DENND3: variants seen among roughly 807,000 people sequenced by gnomAD.
The protein encoded by DENND3 is DENN domain containing 3.
A neutral mutation model predicts 135.1 loss-of-function variants in DENND3; 88 were observed. The ratio of observed to expected loss-of-function variants is 0.65; its 90% CI spans 0.55 to 0.78. The LOEUF is 0.78. DENND3 is among the 30% of genes least tolerant of loss of function. DENND3 has a pLI of 0.00. For missense variants in DENND3, 1,392 were observed against 1,688.4 expected, an observed-to-expected ratio of 0.82 and a Z score of 3.08; for synonymous variants, 693 against 712.3, an observed-to-expected ratio of 0.97 and a Z score of 0.43.
rs57293146 is a variant in DENND3, at chr8:141,146,662, G to A, written c.735+2403G>A. ...ACATGATTGTGAACTTAAAATGTGC[G>A]TTTTTAACATTACCCCAACCCCAGC... On this transcript the variant is annotated intron_variant, in intron 5 of 22. Transcript: ENST00000519811. The surrounding 1 kb of genome is among the most constrained non-coding windows in gnomAD (Gnocchi z 4.3). 4.4e-3 allele frequency among the ~76,000 whole-genome samples: 670 copies of A among 152,182 alleles called. 6 individuals are homozygous for A. Among genetic ancestry groups the A allele is most frequent in the African/African-American group, 0.015 (621 of 41,522 alleles).
At position 141,175,451 on chromosome 8, in the gene DENND3, AAT is replaced by A; in HGVS notation, c.2531_2532del (p.Ile844ArgfsTer38). ...PGYLEISTFR[N>X]IEEVRRTTTT... ...CTACTTGGAGATTTCCACCTTCAGA[AAT>A]ATAGAGGTAAGGACAGCACAGGCAG... On this transcript the variant is annotated frameshift_variant, in exon 14 of 23. Transcript: ENST00000519811. LOFTEE classifies it high-confidence loss of function. This position sits in a 1 kb window ranked among gnomAD's most constrained non-coding sequence, Gnocchi z 5.4. 1.2e-6 allele frequency: 2 copies of A among 1,614,166 alleles called. No individual in the cohort carries two copies. The highest frequency in any genetic ancestry group is 1.7e-6 in the Non-Finnish European group (2 of 1,180,048).
intron 8 of DENND3, chr8:141,158,219 T>C (rs1339323907): frequency 7.8e-7 from 1 of 1,289,630 alleles, no homozygotes; most frequent in Non-Finnish European, 1.0e-6. Flanking sequence ...AGCTGTTCTG[T>C]TGGCAACTGT....
intron 8 of DENND3, 47 bp downstream of exon 8, chr8:141,156,017 G>C: frequency 6.5e-7 from 1 of 1,546,518 alleles, no homozygotes; most frequent in Non-Finnish European, 8.8e-7. Context: ...TCTTTGTTCA[G>C]ATTCTGTATT....
At chr8:141,184,855 G>T in intron 17 of DENND3, 2 of 306,168 alleles carry the variant, frequency 6.5e-6, no homozygotes, top group Admixed American at 4.5e-5. Flanking sequence ...TGCTCACTCA[G>T]CTGGCAGGTC....
chr8:141,188,140 C>T (rs147486168), intron 18 of DENND3, among the ~76,000 whole-genome samples: 3 of 150,530 alleles, frequency 2.0e-5, no homozygotes, highest in East Asian at 2.0e-4. Context: ...GCGGGAGAAT[C>T]GCTTGAGCCG....
chr8:141,144,073 G>A lies in DENND3; in HGVS notation c.624-75G>A. On this transcript the variant is annotated intron_variant, in intron 4 of 22. Coordinates refer to ENST00000519811, the MANE Select transcript of DENND3 (RefSeq NM_001352890.3). The surrounding 1 kb of genome is among the most constrained non-coding windows in gnomAD (Gnocchi z 4.4). ...GCAGACGCTGGGGAGATTCCAGTGT[G>A]ATTAGAAACGCTAACGATGACAACT... is the stretch of plus-strand genomic sequence containing the variant. 7.8e-7 allele frequency: 1 copy of A among 1,285,122 alleles called. No homozygotes were observed. Among genetic ancestry groups the A allele is most frequent in the African/African-American group, 1.5e-5 (1 of 64,536 alleles). 79.6% of individuals were successfully genotyped at this position (1,285,122 alleles called of 1,614,324 possible).
Position 141,190,339 on chromosome 8 carries a change from C to G in DENND3, c.3301C>G (p.Leu1101Val), listed in dbSNP as rs1353652008. 2.5e-6 allele frequency: 4 copies of G among 1,613,482 alleles called. No homozygotes were observed. In the South Asian group the frequency reaches 3.3e-5, roughly 13 times the overall value. The part of the protein sequence containing the change: ...GMVLVWNVST[L>V]QVTSRFQLPR... ...GGTGCTGGTGTGGAATGTGAGCACA[C>G]TGCAGGTGACCAGCCGCTTCCAGCT... The change falls in exon 20 of 23, where the codon CTG (leucine) becomes GTG (valine). Residue 1101 changes from leucine (L) to valine (V), a missense_variant. Coordinates refer to ENST00000519811, the MANE Select transcript of DENND3 (RefSeq NM_001352890.3).
chr8:141,185,299 G>T, intron 18 of DENND3, 21 bp downstream of exon 18: 1 of 1,613,570 alleles, frequency 6.2e-7, no homozygotes, highest in South Asian at 1.1e-5. Context: ...GAAGCGTCAG[G>T]AAAGAAGCCT....
intron 8 of DENND3, chr8:141,158,175 C>T: frequency 1.6e-6 from 2 of 1,289,574 alleles, no homozygotes; most frequent in Non-Finnish European, 2.0e-6. Flanking sequence ...TGTGGAATCG[C>T]TGGGCTCTCC....
rs866078353 is a variant in DENND3 at position 141,130,689 on chromosome 8, A to T, written c.102+1880A>T. ...TTTTGAATGTCCAAGGCTTTTAAAT[A>T]TATTTTTTTTTTTTTGAGACAGAGT... On this transcript the variant is annotated intron_variant, in intron 1 of 22. Transcript: ENST00000519811. This position sits in a 1 kb window ranked among gnomAD's most constrained non-coding sequence, Gnocchi z 4.2. Among the ~76,000 whole-genome samples the T allele has an allele frequency of 2.0e-3, 296 of 148,216 alleles. 1 individual carries two copies. Among genetic ancestry groups the T allele is most frequent in the African/African-American group, 6.8e-3 (276 of 40,406 alleles).
chr8:141,189,582 G>A (rs149026302), intron 19 of DENND3, among the ~76,000 whole-genome samples: 8 of 152,204 alleles, frequency 5.3e-5, no homozygotes, highest in South Asian at 2.1e-4. Flanking sequence ...CCAGGGAGAC[G>A]GGAGGAGGAG....
rs938342879 is a variant in DENND3, at chr8:141,157,512, C to G, written c.1196+1542C>G. On this transcript the variant is annotated intron_variant, in intron 8 of 22. Transcript: ENST00000519811. ...AGGTGACGCTGGAGGGAGGGGAGCG[C>G]TTAGGCTTTTTGCAAACAGCCGGGC... 6.1e-6 allele frequency: 6 copies of G among 985,694 alleles called. No homozygotes were observed. In the African/African-American group the frequency reaches 1.0e-4, roughly 17 times the overall value. The allele number at this position is 985,694 out of a possible 1,614,324, so 61.1% of individuals were successfully genotyped here.
intron 9 of DENND3, 120 bp downstream of exon 9, chr8:141,160,907 G>A (rs1820057586): frequency 1.5e-6 from 2 of 1,306,054 alleles, no homozygotes; most frequent in Non-Finnish European, 2.1e-6. Context: ...TGGCAAACAT[G>A]AGTGGTCCCC....
rs549502920 is a variant in DENND3 at position 141,168,251 on chromosome 8, C to T, written c.2001C>T (p.Asp667=). Residue 667 remains aspartate (D), a synonymous_variant, in exon 13 of 23, where the codon GAC becomes GAT. Transcript: ENST00000519811. This position sits in a 1 kb window ranked among gnomAD's most constrained non-coding sequence, Gnocchi z 6.2. ...LLDFQNLYKT[D]IRIFPTDLVK... ...ACTTCCAGAATCTGTATAAAACAGA[C>T]ATACGGATCTTTCCCACTGATTTGG... The T allele has an allele frequency of 6.2e-7, 1 of 1,614,190 alleles. No homozygotes were observed. The highest frequency in any genetic ancestry group is 1.3e-5 in the African/African-American group (1 of 75,048).
rs1227904366 is a variant in DENND3, at chr8:141,136,715, C to T, written c.309C>T (p.Pro103=). The change falls in exon 2 of 23, where the codon CCC becomes CCT. Residue 103 remains proline (P), a synonymous_variant. Transcript: ENST00000519811. The stretch of plus-strand genomic sequence containing the variant: ...AGTGGAAGGGCCTCCCGGGGCCCCC[C>T]AGAGCGCCAGAGCCTGAGGATGTCG... ...PEQWKGLPGP[P]RAPEPEDVAV... The T allele has an allele frequency of 7.5e-6, 12 of 1,610,684 alleles. No homozygotes were observed. The highest frequency in any genetic ancestry group is 1.1e-5 in the South Asian group (1 of 90,320).
chr8:141,170,018 G>A (rs531150071), intron 13 of DENND3, among the ~76,000 whole-genome samples: 3 of 152,356 alleles, frequency 2.0e-5, no homozygotes, highest in Admixed American at 6.5e-5. Flanking sequence ...GGCGGGGGCC[G>A]CGCCTCCATG....
chr8:141,138,272 T>C lies in DENND3; in HGVS notation c.501+135T>C, dbSNP rs962162966. On this transcript the variant is annotated intron_variant, in intron 3 of 22. Transcript: ENST00000519811. This position sits in a 1 kb window ranked among gnomAD's most constrained non-coding sequence, Gnocchi z 4.8. ...CGTAACATTAAGTACATTCACAGCA[T>C]TGTGCAACCACCACCAATGTCTAGG... 6 of 934,826 alleles carry C rather than the reference T, an allele frequency of 6.4e-6. No homozygotes were observed. In the African/African-American group the frequency reaches 9.9e-5, roughly 15 times the overall value. The allele number at this position is 934,826 out of a possible 1,614,324, so 57.9% of individuals were successfully genotyped here. A position where few individuals can be genotyped will look rare whatever the true frequency, so the allele number is the denominator to read the frequency against.
chr8:141,166,304 G>T lies in DENND3; in HGVS notation c.1668G>T (p.Leu556=). The T allele has an allele frequency of 3.7e-6, 6 of 1,614,032 alleles. No homozygotes were observed. The highest frequency in any genetic ancestry group is 5.1e-6 in the Non-Finnish European group (6 of 1,180,044). The change falls in exon 12 of 23, where the codon CTG becomes CTT. Residue 556 remains leucine (L), a synonymous_variant. Coordinates refer to ENST00000519811, the MANE Select transcript of DENND3 (RefSeq NM_001352890.3). The surrounding 1 kb of genome is among the most constrained non-coding windows in gnomAD (Gnocchi z 4.3). The part of the protein sequence containing the change: ...HRRMVVSMPN[L]QDIAMPELAP... ...GCATGGTGGTCAGCATGCCCAACCT[G>T]CAGGACATTGCCATGCCTGAGCTGG... is the stretch of plus-strand genomic sequence containing the variant.
At position 141,139,876 on chromosome 8, in the gene DENND3, A is replaced by G. The variant is rs1490702445; in HGVS notation, c.502-1327A>G. On this transcript the variant is annotated intron_variant, in intron 3 of 22. Coordinates refer to ENST00000519811, the MANE Select transcript of DENND3 (RefSeq NM_001352890.3). The surrounding 1 kb of genome is among the most constrained non-coding windows in gnomAD (Gnocchi z 4.2). Reference sequence around the variant, plus strand: ...CAGCACTCATCTCTCCTTCTTCACTATGTATCCGGATGACGCTATATCTAT... The same window carrying G: ...CAGCACTCATCTCTCCTTCTTCACTGTGTATCCGGATGACGCTATATCTAT... Among the ~76,000 whole-genome samples the G allele has an allele frequency of 6.6e-6, 1 of 150,486 alleles. No homozygotes were observed. The highest frequency in any genetic ancestry group is 1.5e-5 in the Non-Finnish European group (1 of 67,816).
Sources: gnomAD v4.1 joint callset for allele counts (sites outside exome capture counted in the v4.1 genomes callset) on GRCh38, gnomAD v4.1.1 for gene constraint, Gnocchi (gnomAD v3.1) non-coding constraint, MANE v1.5 for transcripts, NCBI Gene and HGNC (gene_info 2026-07-23, HGNC 2026-07-21) for gene names.